CNOT4: variants seen among roughly 807,000 people sequenced by gnomAD.
CNOT4 encodes CCR4-NOT transcription complex subunit 4, also known as CCR4-associated factor 4.
A neutral mutation model predicts 73.8 loss-of-function variants in CNOT4; 8 were observed. The ratio of observed to expected loss-of-function variants is 0.11; its 90% CI spans 0.06 to 0.20. CNOT4 has a LOEUF of 0.20. CNOT4 is among the 10% of genes least tolerant of loss of function. The pLI, the probability that CNOT4 is intolerant of heterozygous loss-of-function variation, is 1.00. For missense variants in CNOT4, 564 were observed against 883.4 expected (o/e 0.64, Z 4.58); for synonymous variants, 293 against 321.1 (o/e 0.91, Z 0.94).
intron 1 of CNOT4, among the ~76,000 whole-genome samples, chr7:135,449,432 T>C (rs148077067): frequency 3.2e-4 from 48 of 152,304 alleles, no homozygotes; most frequent in Non-Finnish European, 5.3e-4. Flanking sequence ...TTTCCAAGAA[T>C]TGGTTAAAAG....
At chr7:135,366,008 A>G (rs948637273) in intron 10 of CNOT4, among the ~76,000 whole-genome samples, 1 of 152,252 alleles carries the variant, frequency 6.6e-6, no homozygotes, top group African/African-American at 2.4e-5. Flanking sequence ...AATTAGGCAA[A>G]AGCCAAACAG....
intron 1 of CNOT4, among the ~76,000 whole-genome samples, chr7:135,483,334 T>C (rs1443132035): frequency 6.7e-6 from 1 of 148,378 alleles, no homozygotes; most frequent in Non-Finnish European, 1.5e-5. Flanking sequence ...TAAGACTTTG[T>C]CTCAAAAAAA....
At chr7:135,398,250 T>C (rs1031648072) in intron 7 of CNOT4, 24 bp from the exon 8 acceptor site, 11 of 1,275,660 alleles carry the variant, frequency 8.6e-6, no homozygotes, top group Non-Finnish European at 1.1e-5. Flanking sequence ...ACAAATTGAA[T>C]AAAATCAGAA....
chr7:135,454,374 C>A (rs990161155), intron 1 of CNOT4, among the ~76,000 whole-genome samples: 2 of 151,790 alleles, frequency 1.3e-5, no homozygotes, highest in African/African-American at 2.4e-5. Context: ...TAAAACAAGG[C>A]CGGGCACAGC....
chr7:135,459,787 C>A (rs1800760486), intron 1 of CNOT4, among the ~76,000 whole-genome samples: 1 of 152,192 alleles, frequency 6.6e-6, no homozygotes, highest in Admixed American at 6.5e-5. Flanking sequence ...TCCTTTGAAG[C>A]TTTGAAGCCT....
intron 1 of CNOT4, among the ~76,000 whole-genome samples, chr7:135,453,105 C>G (rs1024205516): frequency 6.6e-6 from 1 of 152,066 alleles, no homozygotes; most frequent in African/African-American, 2.4e-5. Flanking sequence ...CAAAAGGATC[C>G]AGGTATTATA....
chr7:135,441,815 A>G (rs950049312), intron 1 of CNOT4, among the ~76,000 whole-genome samples: 1 of 152,232 alleles, frequency 6.6e-6, no homozygotes, highest in African/African-American at 2.4e-5. Flanking sequence ...AAAGTTTACA[A>G]GAGTATGTAT....
intron 1 of CNOT4, among the ~76,000 whole-genome samples, chr7:135,479,330 T>C (rs1169042829): frequency 6.9e-6 from 1 of 144,660 alleles, no homozygotes; most frequent in Non-Finnish European, 1.5e-5. Flanking sequence ...AGCATCAGCC[T>C]CCCGAGTAGC....
At chr7:135,485,368 C>T (rs115967120) in intron 1 of CNOT4, among the ~76,000 whole-genome samples, 3,064 of 152,096 alleles carry the variant, frequency 0.02, 111 homozygotes, top group African/African-American at 0.07. Context: ...CCACAGCTGG[C>T]GGTTTTTTGT....
At chr7:135,487,836 G>A (rs1563078926) in intron 1 of CNOT4, among the ~76,000 whole-genome samples, 3 of 152,262 alleles carry the variant, frequency 2.0e-5, no homozygotes, top group Non-Finnish European at 2.9e-5. Context: ...GGCGGATCAC[G>A]AGGTCAGGAG....
At chr7:135,473,779 G>A (rs920241093) in intron 1 of CNOT4, among the ~76,000 whole-genome samples, 1 of 152,040 alleles carries the variant, frequency 6.6e-6, no homozygotes, top group Non-Finnish European at 1.5e-5. Context: ...GAGTGAGAGT[G>A]CACATGTGAC....
intron 1 of CNOT4, among the ~76,000 whole-genome samples, chr7:135,488,369 C>T (rs1802881391): frequency 6.6e-6 from 1 of 152,182 alleles, no homozygotes; most frequent in South Asian, 2.1e-4. Flanking sequence ...CATGCCATCA[C>T]ACCCAGCTAA....
chr7:135,395,870 T>C lies in CNOT4; in HGVS notation c.893A>G (p.Asp298Gly). The change falls in exon 9 of 12, where the codon GAT becomes GGT. Residue 298 changes from aspartate (D) to glycine (G), a missense_variant. By Grantham distance (94) the Asp-to-Gly change is moderately conservative. Transcript: ENST00000541284. Reference sequence around the variant, plus strand: ...CAAACCAGGTGGTGGTGAAGGCGTATCACTGTTAGATATCTGAATAAAAAA... The same window carrying C: ...CAAACCAGGTGGTGGTGAAGGCGTACCACTGTTAGATATCTGAATAAAAAA... The part of the protein sequence containing the change: ...GDNSQQISNS[D>G]TPSPPPGLSK... 1 of 1,605,214 alleles carries C rather than the reference T, an allele frequency of 6.2e-7. No individual in the cohort carries two copies. Among genetic ancestry groups the C allele is most frequent in the Non-Finnish European group, 8.5e-7 (1 of 1,171,914 alleles).
intron 1 of CNOT4, among the ~76,000 whole-genome samples, chr7:135,482,986 C>CAAAAAAAAA (rs36125617): frequency 2.3e-5 from 1 of 43,520 alleles, no homozygotes; most frequent in African/African-American, 9.7e-5. Context: ...GACTCCATAT[C>CAAAAAAAAA]AAAAAAAAAA....
At chr7:135,426,661 G>A (rs868122650) in intron 2 of CNOT4, among the ~76,000 whole-genome samples, 1 of 151,420 alleles carries the variant, frequency 6.6e-6, no homozygotes, top group Non-Finnish European at 1.5e-5. Context: ...AGTGGCTCAT[G>A]CCTGTAATCC....
chr7:135,493,522 G>A (rs1313744291), intron 1 of CNOT4, among the ~76,000 whole-genome samples: 1 of 152,194 alleles, frequency 6.6e-6, no homozygotes, highest in African/African-American at 2.4e-5. Flanking sequence ...ATGATAGACT[G>A]TGAATTCCAC....
intron 1 of CNOT4, among the ~76,000 whole-genome samples, chr7:135,483,257 G>C (rs1329164072): frequency 6.6e-6 from 1 of 151,152 alleles, no homozygotes; most frequent in Non-Finnish European, 1.5e-5. Context: ...AAGATTGCTT[G>C]ATCCCAGGAG....
chr7:135,402,599 T>C (rs954482281), intron 7 of CNOT4, among the ~76,000 whole-genome samples: 4 of 152,134 alleles, frequency 2.6e-5, no homozygotes, highest in Non-Finnish European at 1.5e-5. Context: ...TGATGATCAC[T>C]GAAACAAAGA....
rs747068642 is a variant in CNOT4, at chr7:135,395,701, G to T, written c.1062C>A (p.Phe354Leu). Residue 354 changes from phenylalanine (F) to leucine (L), a missense_variant, in exon 9 of 12, where the codon TTC becomes TTA. Around this residue, in one of 10 missense-constraint regions of CNOT4, gnomAD observed 135 missense variants for 154.0 expected, o/e 0.88. Transcript: ENST00000541284. ...CACTGGATGTCTGTGGGGAGCTGGG[G>T]AAAGGAGGAAGCCCACTTGGGATAG... ...PNPIPSGLPPFPSSPQTSSDW... is the reference protein window; with the variant it reads ...PNPIPSGLPPLPSSPQTSSDW... The T allele has an allele frequency of 1.7e-5, 28 of 1,614,050 alleles. No homozygotes were observed. The highest frequency in any genetic ancestry group is 2.4e-5 in the Non-Finnish European group (28 of 1,179,956).
Sources: allele counts gnomAD v4.1 joint callset (sites outside exome capture counted in the v4.1 genomes callset), GRCh38; gene constraint gnomAD v4.1.1; regional missense constraint gnomAD v4.1.1; transcripts MANE v1.5; gene names NCBI Gene and HGNC (gene_info 2026-07-23, HGNC 2026-07-21).